The following TNNI3K variants were observed in gnomAD, a reference collection of about 807,000 sequenced individuals.
TNNI3K encodes TNNI3 interacting kinase.
TNNI3K carries 140 observed loss-of-function variants against 114.5 expected under a neutral mutation model. That is an observed-to-expected ratio of 1.22 (90% CI 1.07 to 1.41). The LOEUF is 1.41. TNNI3K is among the 40% of genes most tolerant of loss of function. The probability of loss-of-function intolerance (pLI) is 0.00; values close to 1 mark genes in which losing one functional copy is unlikely to be tolerated. For synonymous variants in TNNI3K, 347 were observed against 347.5 expected, an observed-to-expected ratio of 1.00 and a Z score of 0.02; for missense variants, 1,125 against 1,007.6, an observed-to-expected ratio of 1.12 and a Z score of -1.58.
At chr1:74,281,165 A>T (rs1454770453) in intron 5 of TNNI3K, among the ~76,000 whole-genome samples, 1 of 152,164 alleles carries the variant, frequency 6.6e-6, no homozygotes, top group East Asian at 1.9e-4. Flanking sequence ...TTGAATAAAC[A>T]TGAGTGGTAG....
intron 20 of TNNI3K, among the ~76,000 whole-genome samples, chr1:74,443,596 A>C (rs575605830): frequency 1.3e-5 from 2 of 152,342 alleles, no homozygotes; most frequent in African/African-American, 2.4e-5. Flanking sequence ...AGGAGCTGGT[A>C]CCATTTTTTC....
chr1:74,432,729 T>G (rs1174314582), intron 17 of TNNI3K, among the ~76,000 whole-genome samples: 1 of 152,062 alleles, frequency 6.6e-6, no homozygotes, highest in Non-Finnish European at 1.5e-5. Context: ...AACAGGTATT[T>G]TGGGCACTAG....
chr1:74,430,749 CAAAGCT>C (rs1258999474), intron 17 of TNNI3K, among the ~76,000 whole-genome samples: 1 of 152,078 alleles, frequency 6.6e-6, no homozygotes, highest in Non-Finnish European at 1.5e-5. Context: ...TGGTAAAAGA[CAAAGCT>C]AGAGCCAAAT....
chr1:74,377,716 G>T (rs529673087), intron 17 of TNNI3K, among the ~76,000 whole-genome samples: 1 of 151,726 alleles, frequency 6.6e-6, no homozygotes, highest in African/African-American at 2.4e-5. Flanking sequence ...TTTCTGTTTC[G>T]GCTATCTGTG....
intron 9 of TNNI3K, among the ~76,000 whole-genome samples, chr1:74,348,460 A>G (rs1661143008): frequency 6.6e-6 from 1 of 152,202 alleles, no homozygotes; most frequent in African/African-American, 2.4e-5. Context: ...CTTTTTGCTT[A>G]GGATTGACTT....
chr1:74,484,383 GC>G (rs2100272085), intron 21 of TNNI3K, among the ~76,000 whole-genome samples: 1 of 152,282 alleles, frequency 6.6e-6, no homozygotes, highest in East Asian at 1.9e-4. Context: ...ACAGTACTGG[GC>G]ATAGAGCAGG....
At chr1:74,311,649 G>A (rs1333099644) in intron 5 of TNNI3K, among the ~76,000 whole-genome samples, 1 of 152,128 alleles carries the variant, frequency 6.6e-6, no homozygotes, top group Non-Finnish European at 1.5e-5. Context: ...GGAAATGTCT[G>A]TTATCTGGTC....
chr1:74,325,441 T>C (rs537592240), intron 5 of TNNI3K, among the ~76,000 whole-genome samples: 36 of 152,208 alleles, frequency 2.4e-4, no homozygotes, highest in Non-Finnish European at 4.3e-4. Context: ...ATCAACTACA[T>C]TGAGGAACTG....
chr1:74,331,968 T>C (rs1660226712), intron 6 of TNNI3K, among the ~76,000 whole-genome samples: 1 of 152,270 alleles, frequency 6.6e-6, no homozygotes, highest in African/African-American at 2.4e-5. Flanking sequence ...TCAGTAAATA[T>C]AGCTGTGATG....
At chr1:74,337,006 C>A (rs1660506110) in intron 7 of TNNI3K, among the ~76,000 whole-genome samples, 1 of 151,140 alleles carries the variant, frequency 6.6e-6, no homozygotes, top group South Asian at 2.1e-4. Context: ...TCCTCTCCAG[C>A]ACCTGTTGTT....
At position 74,492,216 on chromosome 1, in the gene TNNI3K, C is replaced by A. The variant is rs761994983; in HGVS notation, c.2301C>A (p.Phe767Leu). 5.0e-6 allele frequency: 8 copies of A among 1,612,336 alleles called. No individual in the cohort carries two copies. Among genetic ancestry groups the A allele is most frequent in the South Asian group, 2.2e-5 (2 of 90,850 alleles). The change falls in exon 23 of 25, where the codon TTC becomes TTA. Residue 767 changes from phenylalanine to leucine, a missense_variant. Coordinates refer to ENST00000326637, the MANE Select transcript of TNNI3K (RefSeq NM_015978.3). ...ATGTGGCAGCATTAAGAAGTCGTTT[C>A]GAATTGGAATATGCTCTAAATGCAA... ...RSHVAALRSRFELEYALNARS... is the reference protein window; with the variant it reads ...RSHVAALRSRLELEYALNARS...
At chr1:74,505,605 T>G (rs1005137229) in intron 23 of TNNI3K, among the ~76,000 whole-genome samples, 3 of 152,200 alleles carry the variant, frequency 2.0e-5, no homozygotes, top group African/African-American at 7.2e-5. Context: ...TATCTAAACC[T>G]CATATAATGC....
chr1:74,451,695 CT>C (rs34653118), intron 20 of TNNI3K, among the ~76,000 whole-genome samples: 1 of 27,150 alleles, frequency 3.7e-5, no homozygotes, highest in Non-Finnish European at 8.8e-5. Flanking sequence ...TTCTTTCTTT[CT>C]TTCTTTCTTT....
chr1:74,248,096 AGGT>A (rs1371213753), intron 2 of TNNI3K, among the ~76,000 whole-genome samples: 1 of 152,106 alleles, frequency 6.6e-6, no homozygotes, highest in African/African-American at 2.4e-5. Flanking sequence ...AGTGCAGCGC[AGGT>A]GGGCTGGCAG....
chr1:74,238,755 C>T (rs1226425586), intron 2 of TNNI3K, among the ~76,000 whole-genome samples: 1 of 151,948 alleles, frequency 6.6e-6, no homozygotes. Flanking sequence ...TAGCCTGATG[C>T]TGATGACATT....
intron 17 of TNNI3K, among the ~76,000 whole-genome samples, chr1:74,402,748 C>A (rs902018222): frequency 2.0e-5 from 3 of 152,200 alleles, no homozygotes; most frequent in African/African-American, 7.2e-5. Flanking sequence ...CTGGAGGCTT[C>A]CCTTATCTTC....
intron 12 of TNNI3K, 106 bp from the exon 13 acceptor site, chr1:74,367,802 G>T: frequency 9.4e-7 from 1 of 1,058,678 alleles, no homozygotes; most frequent in South Asian, 1.6e-5. Context: ...GGCCTGAAGC[G>T]ATAGTTTTAC....
At chr1:74,476,251 C>G (rs1009523590) in intron 21 of TNNI3K, among the ~76,000 whole-genome samples, 1 of 152,072 alleles carries the variant, frequency 6.6e-6, no homozygotes, top group Non-Finnish European at 1.5e-5. Context: ...TTGCAAGATC[C>G]AGTGTTTCTC....
intron 5 of TNNI3K, among the ~76,000 whole-genome samples, chr1:74,275,969 A>T (rs1357432625): frequency 6.6e-6 from 1 of 152,110 alleles, no homozygotes; most frequent in Admixed American, 6.6e-5. Context: ...AATTGAGAAA[A>T]TATTTCAGCA....
Sources: allele counts gnomAD v4.1 joint callset (sites outside exome capture counted in the v4.1 genomes callset), GRCh38; gene constraint gnomAD v4.1.1; transcripts MANE v1.5; gene names NCBI Gene and HGNC (gene_info 2026-07-23, HGNC 2026-07-21).